CSMD1: variants seen among roughly 807,000 people sequenced by gnomAD.
CSMD1 encodes CUB and sushi domain-containing protein 1.
Under a neutral mutation model 417.5 loss-of-function variants are expected in CSMD1, and 213 were observed. The ratio of observed to expected loss-of-function variants is 0.51; its 90% confidence interval spans 0.46 to 0.57. The LOEUF (loss-of-function observed/expected upper bound fraction) is 0.57, where lower values mean the gene tolerates loss of function less well. Ranked by LOEUF, CSMD1 falls within the 20% of genes least tolerant of loss-of-function variation. CSMD1 has a pLI of 0.00. For synonymous variants in CSMD1, 2,862 were observed against 1,736.8 expected, an observed-to-expected ratio of 1.65 and a Z score of -16.11; for missense variants, 6,923 against 4,529.7, an observed-to-expected ratio of 1.53 and a Z score of -15.17.
intron 2 of CSMD1, among the ~76,000 whole-genome samples, chr8:4,590,087 C>T (rs936681131): frequency 6.6e-6 from 1 of 152,026 alleles, no homozygotes; most frequent in Non-Finnish European, 1.5e-5. Flanking sequence ...TTTATGAAAT[C>T]TTCAAAGTTA....
intron 1 of CSMD1, among the ~76,000 whole-genome samples, chr8:4,841,925 A>AAAAAAAAAAAAAAC (rs1563561140): frequency 5.1e-5 from 5 of 98,814 alleles, no homozygotes; most frequent in African/African-American, 1.9e-4. Flanking sequence ...AAAAAAAAAA[A>AAAAAAAAAAAAAAC]AAAAAAAAAA....
chr8:3,493,309 A>T (rs2117301186), intron 11 of CSMD1, among the ~76,000 whole-genome samples: 1 of 148,076 alleles, frequency 6.8e-6, no homozygotes, highest in East Asian at 2.0e-4. Flanking sequence ...AAAAAAAAAA[A>T]AAAGGGGGGG....
chr8:4,308,964 C>T (rs1269872209), intron 3 of CSMD1, among the ~76,000 whole-genome samples: 1 of 152,140 alleles, frequency 6.6e-6, no homozygotes, highest in African/African-American at 2.4e-5. Context: ...TCCCTGTAAC[C>T]TTCTGACATA....
intron 3 of CSMD1, among the ~76,000 whole-genome samples, chr8:4,042,814 T>TAAAAAAAAAAAAAA (rs1563355345): frequency 4.8e-5 from 1 of 21,018 alleles, no homozygotes; most frequent in African/African-American, 2.5e-4. Flanking sequence ...GTACAACATA[T>TAAAAAAAAAAAAAA]TAAAAAAAAA....
At chr8:3,712,402 C>CAGAG (rs1491033887) in intron 6 of CSMD1, among the ~76,000 whole-genome samples, 4 of 84,654 alleles carry the variant, frequency 4.7e-5, no homozygotes, top group South Asian at 4.8e-4. Flanking sequence ...GAGAGAGAGA[C>CAGAG]AGACAGACAG....
At chr8:3,319,766 G>T (rs1009020626) in intron 23 of CSMD1, among the ~76,000 whole-genome samples, 1 of 151,852 alleles carries the variant, frequency 6.6e-6, no homozygotes, top group Non-Finnish European at 1.5e-5. Flanking sequence ...ACGTCAGCCG[G>T]GCTATTTTTA....
Position 4,149,735 on chromosome 8 carries a change from T to G in CSMD1, c.416-117636A>C, listed in dbSNP as rs540423345. 4.3e-4 allele frequency among the ~76,000 whole-genome samples: 65 copies of G among 152,266 alleles called. 2 individuals are homozygous for G. In the South Asian group the frequency reaches 0.013, roughly 30 times the overall value. ...CAACAGAAACATTTTCCAAATAACC[T>G]CAACTCCAAGCATCCAGCCAGGCCT... On this transcript the variant is annotated intron_variant, in intron 3 of 69. Transcript: ENST00000635120.
intron 7 of CSMD1, among the ~76,000 whole-genome samples, chr8:3,634,337 T>C (rs997359640): frequency 3.9e-5 from 6 of 152,180 alleles, no homozygotes; most frequent in Non-Finnish European, 8.8e-5. Flanking sequence ...AGCATGCCTG[T>C]GTGACACTCT....
chr8:3,949,115 A>C (rs1056139165), intron 5 of CSMD1, among the ~76,000 whole-genome samples: 2 of 152,228 alleles, frequency 1.3e-5, no homozygotes, highest in African/African-American at 2.4e-5. Flanking sequence ...TGTGCGATAT[A>C]ATATTTTAAA....
At chr8:3,764,595 T>C (rs79543584) in intron 5 of CSMD1, among the ~76,000 whole-genome samples, 2,658 of 152,222 alleles carry the variant, frequency 0.017, 31 homozygotes, top group African/African-American at 0.03. Flanking sequence ...TTCTCTTGGA[T>C]GGCAGTTTCC....
chr8:4,803,492 G>C (rs574034585), intron 1 of CSMD1, among the ~76,000 whole-genome samples: 1 of 152,252 alleles, frequency 6.6e-6, no homozygotes, highest in East Asian at 1.9e-4. Flanking sequence ...CCCTAGGTTG[G>C]AATCTGCCCG....
intron 25 of CSMD1, among the ~76,000 whole-genome samples, chr8:3,304,714 ATTTT>A (rs907355803): frequency 3.1e-5 from 2 of 64,682 alleles, no homozygotes; most frequent in African/African-American, 1.1e-4. Context: ...TTATTCAAAT[ATTTT>A]TTTATTTTTC....
chr8:4,202,840 C>T (rs1028770234), intron 3 of CSMD1, among the ~76,000 whole-genome samples: 1 of 152,140 alleles, frequency 6.6e-6, no homozygotes, highest in Admixed American at 6.6e-5. Context: ...GAAGCTGAAA[C>T]TTGAAACATC....
At chr8:4,689,135 A>G (rs1013332791) in intron 1 of CSMD1, among the ~76,000 whole-genome samples, 2 of 152,230 alleles carry the variant, frequency 1.3e-5, no homozygotes, top group Non-Finnish European at 2.9e-5. Flanking sequence ...TGATCATATA[A>G]TGCCTGAATT....
At chr8:3,746,189 C>T (rs2129051776) in intron 6 of CSMD1, among the ~76,000 whole-genome samples, 1 of 152,326 alleles carries the variant, frequency 6.6e-6, no homozygotes, top group South Asian at 2.1e-4. Context: ...AAAAGAATAG[C>T]AGTTTAGGAC....
At chr8:3,656,505 C>G (rs1447712584) in intron 7 of CSMD1, among the ~76,000 whole-genome samples, 1 of 152,156 alleles carries the variant, frequency 6.6e-6, no homozygotes, top group Non-Finnish European at 1.5e-5. Context: ...TGCAATAGTG[C>G]AGTCCTCAGT....
chr8:3,055,419 C>A (rs1220663344), intron 49 of CSMD1, among the ~76,000 whole-genome samples: 1 of 152,136 alleles, frequency 6.6e-6, no homozygotes, highest in African/African-American at 2.4e-5. Context: ...GGCAATGGGT[C>A]AAAAGTAGAA....
intron 1 of CSMD1, among the ~76,000 whole-genome samples, chr8:4,858,273 T>A (rs1371391218): frequency 6.6e-6 from 1 of 151,332 alleles, no homozygotes; most frequent in Admixed American, 6.6e-5. Context: ...TTCAAAATAA[T>A]AAAAGCTATC....
rs1801107345 is a variant in CSMD1 at position 3,596,628 on chromosome 8, C to T, written c.1098-10368G>A. On this transcript the variant is annotated intron_variant, in intron 8 of 69. Coordinates refer to ENST00000635120, the MANE Select transcript of CSMD1 (RefSeq NM_033225.6). ...GGGCTTATATCTACACTTGGCAAAACTTTGCAATTTTTTTTATTTATCCTT... is the reference window on the plus strand; with the variant it reads ...GGGCTTATATCTACACTTGGCAAAATTTTGCAATTTTTTTTATTTATCCTT... 4.6e-5 allele frequency among the ~76,000 whole-genome samples: 7 copies of T among 152,280 alleles called. No individual in the cohort carries two copies. The South Asian group carries it at 1.5e-3, about 32-fold the overall frequency.
Sources: allele counts gnomAD v4.1 joint callset (sites outside exome capture counted in the v4.1 genomes callset), GRCh38; gene constraint gnomAD v4.1.1; transcripts MANE v1.5; gene names NCBI Gene and HGNC (gene_info 2026-07-23, HGNC 2026-07-21).